Variants in SCG5 observed in about 807,000 individuals in gnomAD.
SCG5 encodes the protein neuroendocrine protein 7B2.
SCG5 carries 18 observed loss-of-function variants against 25.7 expected under a neutral mutation model. That is an observed-to-expected ratio of 0.70 (90% CI 0.48 to 1.04). The LOEUF (loss-of-function observed/expected upper bound fraction) is 1.04, where lower values mean the gene tolerates loss of function less well. SCG5 is among the 50% of genes least tolerant of loss of function. The pLI is 0.00. For missense variants in SCG5, 206 were observed against 259.8 expected, an observed-to-expected ratio of 0.79 and a Z score of 1.42; for synonymous variants, 101 against 91.7, an observed-to-expected ratio of 1.10 and a Z score of -0.58.
intron 4 of SCG5, among the ~76,000 whole-genome samples, chr15:32,687,892 A>G (rs1215223522): frequency 3.3e-5 from 5 of 152,266 alleles, no homozygotes; most frequent in Non-Finnish European, 1.5e-5. Context: ...TAATTGTATT[A>G]CATAATACAT....
chr15:32,663,276 C>T (rs1197183705), intron 2 of SCG5, among the ~76,000 whole-genome samples: 1 of 151,696 alleles, frequency 6.6e-6, no homozygotes, highest in Non-Finnish European at 1.5e-5. Context: ...AAAGAAACTC[C>T]ATTCCCCTTA....
intron 2 of SCG5, among the ~76,000 whole-genome samples, chr15:32,679,041 C>T (rs1045299663): frequency 6.6e-6 from 1 of 152,154 alleles, no homozygotes. Context: ...TTCTGGATGG[C>T]AATTGCCTTC....
intron 4 of SCG5, among the ~76,000 whole-genome samples, chr15:32,686,222 G>A (rs1251521551): frequency 2.0e-5 from 3 of 152,176 alleles, no homozygotes; most frequent in Non-Finnish European, 4.4e-5. Context: ...GCTTAAACAT[G>A]TTGAATTAAA....
intron 2 of SCG5, among the ~76,000 whole-genome samples, chr15:32,663,082 A>C (rs1417170722): frequency 2.3e-5 from 3 of 131,724 alleles, no homozygotes; most frequent in Non-Finnish European, 4.9e-5. Flanking sequence ...TATATATAAT[A>C]TATAATATGT....
chr15:32,657,994 C>G (rs1427419938), intron 2 of SCG5, among the ~76,000 whole-genome samples: 1 of 152,178 alleles, frequency 6.6e-6, no homozygotes, highest in Non-Finnish European at 1.5e-5. Context: ...TTACTTCCCA[C>G]TCCCTTACAG....
intron 2 of SCG5, among the ~76,000 whole-genome samples, chr15:32,654,251 C>G (rs2054077604): frequency 6.6e-6 from 1 of 152,146 alleles, no homozygotes; most frequent in East Asian, 1.9e-4. Flanking sequence ...GAAGTCAAAA[C>G]CAAGGTGCTG....
chr15:32,679,800 T>C lies in SCG5; in HGVS notation c.261T>C (p.Pro87=). The change falls in exon 3 of 6, where the codon CCT becomes CCC. Residue 87 remains proline (P), a synonymous_variant. Coordinates refer to ENST00000300175, the MANE Select transcript of SCG5 (RefSeq NM_001144757.3). ...GAHEGLQHLG[P]FGNIPNIVAE... is the part of the protein sequence containing the mutation. Reference sequence around the variant, plus strand: ...ATGAAGGACTTCAGCATTTGGGTCCTTTTGGCAACATCCCCAACATCGTGG... The same window carrying C: ...ATGAAGGACTTCAGCATTTGGGTCCCTTTGGCAACATCCCCAACATCGTGG... The C allele has an allele frequency of 6.2e-7, 1 of 1,613,980 alleles. No individual in the cohort carries two copies. Among genetic ancestry groups the C allele is most frequent in the Non-Finnish European group, 8.5e-7 (1 of 1,179,860 alleles).
At chr15:32,653,899 G>A (rs2054072874) in intron 2 of SCG5, among the ~76,000 whole-genome samples, 1 of 152,142 alleles carries the variant, frequency 6.6e-6, no homozygotes, top group East Asian at 1.9e-4. Flanking sequence ...GGGTGTTGGG[G>A]AATAAAATTA....
chr15:32,682,898 A>G (rs2054645409), intron 3 of SCG5, among the ~76,000 whole-genome samples: 2 of 152,164 alleles, frequency 1.3e-5, no homozygotes. Flanking sequence ...TAGGATGTGA[A>G]TTCTAGGGCA....
At chr15:32,694,422 A>C (rs1299517359) in intron 5 of SCG5, among the ~76,000 whole-genome samples, 1 of 152,146 alleles carries the variant, frequency 6.6e-6, no homozygotes, top group Non-Finnish European at 1.5e-5. Flanking sequence ...CCTTTAAATG[A>C]CTGTGAACTT....
At chr15:32,642,703 C>G (rs2053885094) in intron 1 of SCG5, among the ~76,000 whole-genome samples, 1 of 151,558 alleles carries the variant, frequency 6.6e-6, no homozygotes, top group African/African-American at 2.4e-5. Flanking sequence ...CCATAGAAAC[C>G]AACATTTTGG....
chr15:32,650,572 C>A (rs945779452), intron 2 of SCG5, among the ~76,000 whole-genome samples: 4 of 152,204 alleles, frequency 2.6e-5, no homozygotes, highest in African/African-American at 9.6e-5. Context: ...AATAAAGCCA[C>A]CAACTGTCCA....
chr15:32,668,381 TCGTGGCCCAA>T lies in SCG5; in HGVS notation c.227-11384_227-11375del, dbSNP rs2054357121. Among the ~76,000 whole-genome samples, 3 of 152,372 alleles carry T rather than the reference TCGTGGCCCAA, an allele frequency of 2.0e-5. No homozygotes were observed. In the East Asian group the frequency reaches 5.8e-4, roughly 29 times the overall value. ...GGCCAAGTGAGAATCACGTTCCTTG[TCGTGGCCCAA>T]AAGGCCTTGTCAGACTCAGATGGAG... On this transcript the variant is annotated intron_variant, in intron 2 of 5. Transcript: ENST00000300175.
chr15:32,673,317 A>C (rs920886622), intron 2 of SCG5, among the ~76,000 whole-genome samples: 1 of 152,194 alleles, frequency 6.6e-6, no homozygotes, highest in Non-Finnish European at 1.5e-5. Context: ...TCCATAAAGC[A>C]AGATCACCTA....
intron 5 of SCG5, among the ~76,000 whole-genome samples, chr15:32,695,372 A>G: frequency 6.6e-6 from 1 of 152,084 alleles, no homozygotes; most frequent in East Asian, 1.9e-4. Context: ...ATGAACAAAC[A>G]TCTTCCAAAA....
chr15:32,683,838 T>G (rs2054657534), intron 3 of SCG5, among the ~76,000 whole-genome samples: 1 of 152,242 alleles, frequency 6.6e-6, no homozygotes, highest in Non-Finnish European at 1.5e-5. Flanking sequence ...ATTGTTGTTG[T>G]TGTGTAATGT....
chr15:32,664,105 G>A (rs1400726868), intron 2 of SCG5, among the ~76,000 whole-genome samples: 1 of 152,174 alleles, frequency 6.6e-6, no homozygotes, highest in African/African-American at 2.4e-5. Flanking sequence ...GGCCATGAGA[G>A]GTGACACACT....
At chr15:32,686,528 ACTTTTT>A (rs1158805562) in intron 4 of SCG5, among the ~76,000 whole-genome samples, 6 of 152,200 alleles carry the variant, frequency 3.9e-5, no homozygotes, top group African/African-American at 1.2e-4. Flanking sequence ...GACAATATGA[ACTTTTT>A]CTTTGAATGC....
intron 2 of SCG5, among the ~76,000 whole-genome samples, chr15:32,676,721 C>T (rs1021886092): frequency 2.6e-5 from 4 of 152,050 alleles, no homozygotes; most frequent in African/African-American, 9.7e-5. Context: ...AAAGATTTAC[C>T]AATTAAACAC....
Sources: allele counts gnomAD v4.1 joint callset (sites outside exome capture counted in the v4.1 genomes callset), GRCh38; gene constraint gnomAD v4.1.1; transcripts MANE v1.5; gene names NCBI Gene and HGNC (gene_info 2026-07-23, HGNC 2026-07-21).